Variants in APBA1 observed in about 807,000 individuals in gnomAD.
APBA1 encodes amyloid-beta A4 precursor protein-binding family A member 1.
In APBA1, 55 loss-of-function variants were observed where a neutral mutation model predicts 86.6. That is an observed-to-expected ratio of 0.64 (90% CI 0.51 to 0.80). The LOEUF is 0.80. Ranked by LOEUF, APBA1 falls within the 30% of genes least tolerant of loss-of-function variation. APBA1 has a pLI of 0.00. For synonymous variants in APBA1, 511 were observed against 493.9 expected (o/e 1.03, Z -0.46); for missense variants, 1,090 against 1,183.0 (o/e 0.92, Z 1.15).
At chr9:69,661,686 T>G (rs985470260) in intron 1 of APBA1, among the ~76,000 whole-genome samples, 4 of 152,164 alleles carry the variant, frequency 2.6e-5, no homozygotes, top group African/African-American at 9.7e-5. Flanking sequence ...GGTGAATCTC[T>G]TATGAACAGA....
Position 69,517,335 on chromosome 9 carries a change from T to G in APBA1, c.-69-56A>C. The G allele has an allele frequency of 2.2e-6, 3 of 1,353,730 alleles. No individual in the cohort carries two copies. In the South Asian group the frequency reaches 5.8e-5, roughly 26 times the overall value. The allele number at this position is 1,353,730 out of a possible 1,614,324, so 83.9% of individuals were successfully genotyped here. On this transcript the variant is annotated intron_variant, in intron 1 of 12. Transcript: ENST00000265381. ...CGTGGTGCAAACAGTCGTTATGAGC[T>G]GAGTATTCAGATAACCATAAAAACA...
rs1564104709 is a variant in APBA1, at chr9:69,658,228, C to CTT, written c.-70+13923_-70+13924dup. On this transcript the variant is annotated intron_variant, in intron 1 of 12. Transcript: ENST00000265381. ...TCCTACTCAAGTCCTTTCTCTCTTT[C>CTT]TTTCTTTCTTTCTTTCTTTCTTTCT... Among the ~76,000 whole-genome samples the CTT allele has an allele frequency of 2.6e-4, 4 of 15,104 alleles. No individual in the cohort carries two copies. In the East Asian group the frequency reaches 0.027, roughly 103 times the overall value. 9.9% of individuals were successfully genotyped at this position (15,104 alleles called of 152,430 possible).
chr9:69,505,993 T>C (rs989702789), intron 2 of APBA1, among the ~76,000 whole-genome samples: 1 of 149,176 alleles, frequency 6.7e-6, no homozygotes, highest in Non-Finnish European at 1.5e-5. Context: ...CACTCCAGCC[T>C]GGGCAACAGA....
chr9:69,618,119 C>T (rs1000805692), intron 1 of APBA1, among the ~76,000 whole-genome samples: 16 of 152,274 alleles, frequency 1.1e-4, no homozygotes, highest in Admixed American at 5.2e-4. Context: ...GGGATAATGG[C>T]GCCATGCAAG....
intron 1 of APBA1, among the ~76,000 whole-genome samples, chr9:69,588,351 CA>C (rs1822062793): frequency 6.6e-6 from 1 of 150,792 alleles, no homozygotes; most frequent in South Asian, 2.1e-4. Context: ...TGCCTTGGAC[CA>C]GAGTGGTAGC....
At chr9:69,622,036 A>G (rs2133990592) in intron 1 of APBA1, among the ~76,000 whole-genome samples, 1 of 152,304 alleles carries the variant, frequency 6.6e-6, no homozygotes, top group Middle Eastern at 3.4e-3. Flanking sequence ...AAACCTGAGG[A>G]GCATCAAAAT....
chr9:69,446,030 A>G (rs1446544241), intron 10 of APBA1, among the ~76,000 whole-genome samples: 1 of 152,226 alleles, frequency 6.6e-6, no homozygotes, highest in Non-Finnish European at 1.5e-5. Context: ...AGTCACTGCA[A>G]AGAGCATGGA....
chr9:69,643,694 C>T (rs572609313), intron 1 of APBA1, among the ~76,000 whole-genome samples: 105 of 152,274 alleles, frequency 6.9e-4, no homozygotes, highest in Non-Finnish European at 1.4e-3. Flanking sequence ...CCGACGGATT[C>T]GTCTTGAGGT....
intron 1 of APBA1, among the ~76,000 whole-genome samples, chr9:69,645,549 C>G (rs1384736238): frequency 6.6e-6 from 1 of 152,206 alleles, no homozygotes; most frequent in Non-Finnish European, 1.5e-5. Context: ...TGCCCAGTTT[C>G]CCTTGCAGCT....
chr9:69,510,920 T>C (rs1836025938), intron 2 of APBA1, among the ~76,000 whole-genome samples: 2 of 144,978 alleles, frequency 1.4e-5, no homozygotes, highest in African/African-American at 5.2e-5. Context: ...CAAAAATCAA[T>C]TCAAGATGGA....
At chr9:69,542,572 G>A (rs960141212) in intron 1 of APBA1, among the ~76,000 whole-genome samples, 3 of 152,190 alleles carry the variant, frequency 2.0e-5, no homozygotes, top group African/African-American at 7.2e-5. Flanking sequence ...TATGAATAAA[G>A]CTGCTATAAA....
intron 2 of APBA1, among the ~76,000 whole-genome samples, chr9:69,503,048 G>T (rs891920452): frequency 4.6e-5 from 7 of 152,056 alleles, no homozygotes; most frequent in African/African-American, 1.4e-4. Context: ...CACAAACACC[G>T]CAGGAAATTA....
chr9:69,640,958 A>AAG (rs142050871), intron 1 of APBA1, among the ~76,000 whole-genome samples: 95,502 of 149,502 alleles, frequency 0.64, 33,383 homozygotes, highest in East Asian at 0.97. Context: ...GAGAAAGAGA[A>AAG]AGAGAGAGAG....
chr9:69,569,176 G>A (rs1212570972), intron 1 of APBA1, among the ~76,000 whole-genome samples: 2 of 152,096 alleles, frequency 1.3e-5, no homozygotes, highest in Non-Finnish European at 2.9e-5. Flanking sequence ...ACCTTCCTAG[G>A]GAGGCTGCAT....
chr9:69,640,792 G>A (rs1239507028), intron 1 of APBA1, among the ~76,000 whole-genome samples: 1 of 152,062 alleles, frequency 6.6e-6, no homozygotes, highest in Non-Finnish European at 1.5e-5. Flanking sequence ...TTGATGAAGA[G>A]CATCTGCAAA....
intron 1 of APBA1, among the ~76,000 whole-genome samples, chr9:69,580,958 C>A (rs1221762586): frequency 6.6e-6 from 1 of 152,146 alleles, no homozygotes; most frequent in African/African-American, 2.4e-5. Flanking sequence ...TGACCTGGAT[C>A]CATCTTTGCC....
rs1452493143 is a variant in APBA1, at chr9:69,517,112, C to T, written c.99G>A (p.Glu33=). The T allele has an allele frequency of 6.3e-7, 1 of 1,575,312 alleles. No homozygotes were observed. The highest frequency in any genetic ancestry group is 1.3e-5 in the African/African-American group (1 of 74,138). The change falls in exon 2 of 13, where the codon GAG becomes GAA. Residue 33 remains glutamate (E), a synonymous_variant. Coordinates refer to ENST00000265381, the MANE Select transcript of APBA1 (RefSeq NM_001163.4). ...ESVEADLEHP[E]VEEEQQQPPQ... ...GCGGCTGCTGCTGTTCCTCTTCCAC[C>T]TCGGGGTGCTCCAGGTCGGCCTCCA...
chr9:69,624,250 T>C (rs1409646350), intron 1 of APBA1, among the ~76,000 whole-genome samples: 1 of 152,166 alleles, frequency 6.6e-6, no homozygotes, highest in African/African-American at 2.4e-5. Flanking sequence ...AACATAAGGA[T>C]GGGCAGAAAT....
At chr9:69,439,900 C>G (rs968971177) in intron 11 of APBA1, among the ~76,000 whole-genome samples, 35 of 152,130 alleles carry the variant, frequency 2.3e-4, no homozygotes, top group African/African-American at 8.4e-4. Flanking sequence ...TGTTTTTTCC[C>G]CATCTTTGTG....
Sources: gnomAD v4.1 joint callset for allele counts (sites outside exome capture counted in the v4.1 genomes callset) on GRCh38, gnomAD v4.1.1 for gene constraint, MANE v1.5 for transcripts, NCBI Gene and HGNC (gene_info 2026-07-23, HGNC 2026-07-21) for gene names.